SGCZ: variants seen among roughly 807,000 people sequenced by gnomAD.
SGCZ encodes zeta-sarcoglycan.
SGCZ carries 40 observed loss-of-function variants against 41.3 expected under a neutral mutation model. That is an observed-to-expected ratio of 0.97 (90% CI 0.75 to 1.26). The LOEUF is 1.26. Ranked by LOEUF, SGCZ falls within the 50% of genes most tolerant of loss-of-function variation. SGCZ has a pLI of 0.00. For missense variants in SGCZ, 552 were observed against 369.8 expected (o/e 1.49, Z -4.04); for synonymous variants, 206 against 137.5 (o/e 1.50, Z -3.49).
chr8:15,079,344 T>G (rs1005586705), intron 1 of SGCZ, among the ~76,000 whole-genome samples: 2 of 152,196 alleles, frequency 1.3e-5, no homozygotes, highest in African/African-American at 4.8e-5. Flanking sequence ...TGACAGTCAT[T>G]TTGGTTGCCT....
At chr8:14,708,326 AGTAAATATCTATTATT>A (rs1809397231) in intron 1 of SGCZ, among the ~76,000 whole-genome samples, 1 of 152,088 alleles carries the variant, frequency 6.6e-6, no homozygotes, top group Non-Finnish European at 1.5e-5. Context: ...CTCTTGAGAT[AGTAAATATCTATTATT>A]TGTAAAAATA....
chr8:14,242,720 G>T (rs1798935786), intron 3 of SGCZ, among the ~76,000 whole-genome samples: 2 of 152,126 alleles, frequency 1.3e-5, no homozygotes, highest in Admixed American at 1.3e-4. Flanking sequence ...AAAAGATTAA[G>T]TCACTTCCTT....
intron 3 of SGCZ, among the ~76,000 whole-genome samples, chr8:14,310,233 T>C (rs952122720): frequency 2.0e-5 from 3 of 152,194 alleles, no homozygotes; most frequent in Admixed American, 1.3e-4. Context: ...CTGATTTCAG[T>C]TTTTGATTTG....
At chr8:14,495,891 G>A (rs1404148803) in intron 2 of SGCZ, among the ~76,000 whole-genome samples, 2 of 152,148 alleles carry the variant, frequency 1.3e-5, no homozygotes, top group African/African-American at 4.8e-5. Context: ...CAGGCCAGCA[G>A]CTGAGTCCAT....
At chr8:15,233,193 T>C (rs1459783131) in intron 1 of SGCZ, among the ~76,000 whole-genome samples, 4 of 151,842 alleles carry the variant, frequency 2.6e-5, no homozygotes, top group Non-Finnish European at 5.9e-5. Context: ...AAATATGCCA[T>C]TTGTTAGAGA....
At chr8:14,483,973 A>T (rs11986904) in intron 2 of SGCZ, among the ~76,000 whole-genome samples, 1 of 151,952 alleles carries the variant, frequency 6.6e-6, no homozygotes, top group Non-Finnish European at 1.5e-5. Context: ...TCTACTTGGC[A>T]TCCAGCCCAT....
intron 1 of SGCZ, among the ~76,000 whole-genome samples, chr8:15,090,407 C>G (rs1806115381): frequency 6.6e-6 from 1 of 152,192 alleles, no homozygotes. Flanking sequence ...ATGCTGATAT[C>G]TGGCAACACC....
intron 2 of SGCZ, among the ~76,000 whole-genome samples, chr8:14,498,435 T>C (rs1802056133): frequency 1.3e-5 from 2 of 152,110 alleles, no homozygotes; most frequent in Non-Finnish European, 2.9e-5. Context: ...TAATGCAATA[T>C]GAGTGGATCT....
At chr8:14,102,210 C>T (rs1441974458) in intron 7 of SGCZ, among the ~76,000 whole-genome samples, 166 bp downstream of exon 7, 1 of 150,878 alleles carries the variant, frequency 6.6e-6, no homozygotes, top group African/African-American at 2.4e-5. Context: ...ATATATACTT[C>T]TTGAATATGA....
intron 2 of SGCZ, chr8:14,487,720 C>T (rs1203464966): frequency 6.6e-6 from 1 of 152,202 alleles, no homozygotes; most frequent in Non-Finnish European, 1.5e-5. Context: ...CTCAGAATTA[C>T]TAATACTTAA....
Position 14,717,389 on chromosome 8 carries a change from A to T in SGCZ, c.40-162463T>A, listed in dbSNP as rs541746903. 8.9e-4 allele frequency among the ~76,000 whole-genome samples: 136 copies of T among 152,274 alleles called. 1 individual carries two copies. Among genetic ancestry groups the T allele is most frequent in the Non-Finnish European group, 1.6e-3 (106 of 68,022 alleles). On this transcript the variant is annotated intron_variant, in intron 1 of 7. Coordinates refer to ENST00000382080, the MANE Select transcript of SGCZ (RefSeq NM_139167.4). ...CTTACTATAAATCACTTACAGTAAT[A>T]TGCTTAAAATCAACATTAAAATATA...
chr8:14,138,025 G>T (rs1341033883), intron 5 of SGCZ, among the ~76,000 whole-genome samples: 8 of 152,224 alleles, frequency 5.3e-5, no homozygotes, highest in African/African-American at 1.9e-4. Flanking sequence ...GGGCCAATAT[G>T]CAACATTCTT....
intron 2 of SGCZ, among the ~76,000 whole-genome samples, chr8:14,545,681 G>A (rs919427897): frequency 1.3e-5 from 2 of 152,040 alleles, no homozygotes; most frequent in African/African-American, 2.4e-5. Context: ...CTGGACTTCT[G>A]TCACTTCTTA....
chr8:14,576,792 A>G (rs1272100205), intron 1 of SGCZ, among the ~76,000 whole-genome samples: 1 of 152,188 alleles, frequency 6.6e-6, no homozygotes, highest in Non-Finnish European at 1.5e-5. Context: ...GCACACATCA[A>G]GGGTATAATA....
intron 1 of SGCZ, among the ~76,000 whole-genome samples, chr8:15,050,328 G>C (rs1040681909): frequency 1.3e-5 from 2 of 152,126 alleles, no homozygotes. Flanking sequence ...CAGAGGAGAG[G>C]TTTATGTGGC....
rs992958680 is a variant in SGCZ at position 14,890,706 on chromosome 8, A to G, written c.40-335780T>C. On this transcript the variant is annotated intron_variant, in intron 1 of 7. Transcript: ENST00000382080. ...TATTGACAGGTTTTCAACATAGATG[A>G]AATTGCCTTCCATTGGTAGAAGATG... 2.6e-5 allele frequency among the ~76,000 whole-genome samples: 4 copies of G among 152,342 alleles called. No homozygotes were observed. In the East Asian group the frequency reaches 5.8e-4, roughly 22 times the overall value.
intron 4 of SGCZ, among the ~76,000 whole-genome samples, chr8:14,213,129 A>C (rs1266738212): frequency 1.3e-5 from 2 of 152,154 alleles, no homozygotes; most frequent in Admixed American, 1.3e-4. Flanking sequence ...AGTAAGAAGG[A>C]GGGGATAAAA....
intron 2 of SGCZ, among the ~76,000 whole-genome samples, chr8:14,458,332 G>T (rs1043302890): frequency 1.8e-4 from 27 of 152,106 alleles, no homozygotes; most frequent in African/African-American, 6.5e-4. Context: ...CTTTTTACTG[G>T]ATATCATAAT....
chr8:15,226,162 C>T (rs769849883), intron 1 of SGCZ, among the ~76,000 whole-genome samples: 19 of 152,132 alleles, frequency 1.2e-4, no homozygotes, highest in Admixed American at 1.3e-4. Flanking sequence ...GCCTGTCTTC[C>T]TTGAAATCCT....
Sources: allele counts gnomAD v4.1 joint callset (sites outside exome capture counted in the v4.1 genomes callset), GRCh38; gene constraint gnomAD v4.1.1; transcripts MANE v1.5; gene names NCBI Gene and HGNC (gene_info 2026-07-23, HGNC 2026-07-21).